The following FRY variants were observed in gnomAD, a reference collection of about 807,000 sequenced individuals.
FRY encodes FRY microtubule binding protein.
Under a neutral mutation model 348.4 loss-of-function variants are expected in FRY, and 128 were observed. That is an observed-to-expected ratio of 0.37 (90% CI 0.32 to 0.43). FRY has a LOEUF of 0.43. Ranked by LOEUF, FRY falls within the 20% of genes least tolerant of loss-of-function variation. The pLI, the probability that FRY is intolerant of heterozygous loss-of-function variation, is 1.00. For missense variants in FRY, 2,736 were observed against 3,695.2 expected, an observed-to-expected ratio of 0.74 and a Z score of 6.73; for synonymous variants, 1,370 against 1,374.7, an observed-to-expected ratio of 1.00 and a Z score of 0.08.
chr13:32,290,807 A>G (rs114275100), intron 59 of FRY, among the ~76,000 whole-genome samples: 4,555 of 152,074 alleles, frequency 0.03, 207 homozygotes, highest in African/African-American at 0.096. Flanking sequence ...AAAAAAATCA[A>G]TGAAACTAAT....
intron 1 of FRY, among the ~76,000 whole-genome samples, chr13:32,069,091 A>G (rs1874450353): frequency 6.6e-6 from 1 of 151,674 alleles, no homozygotes; most frequent in South Asian, 2.1e-4. Context: ...TAATTTTTGT[A>G]TTTTTAGTAG....
intron 36 of FRY, among the ~76,000 whole-genome samples, chr13:32,221,666 C>A (rs1255784388): frequency 6.6e-6 from 1 of 152,164 alleles, no homozygotes; most frequent in Non-Finnish European, 1.5e-5. Flanking sequence ...GTGTGTGCCA[C>A]CACACCTAGC....
chr13:32,072,155 A>T (rs962442540), intron 1 of FRY, among the ~76,000 whole-genome samples: 12 of 152,336 alleles, frequency 7.9e-5, no homozygotes, highest in Non-Finnish European at 1.6e-4. Flanking sequence ...AAGGAACACA[A>T]TGTGAGAACT....
chr13:32,114,576 T>G (rs1878181408), intron 3 of FRY, among the ~76,000 whole-genome samples: 2 of 152,226 alleles, frequency 1.3e-5, no homozygotes, highest in Admixed American at 1.3e-4. Context: ...TCATCATGTC[T>G]CCTTAGATTC....
At chr13:32,125,636 A>G (rs145816263) in intron 7 of FRY, among the ~76,000 whole-genome samples, 3 of 152,330 alleles carry the variant, frequency 2.0e-5, no homozygotes, top group African/African-American at 7.2e-5. Flanking sequence ...TCTTCAAGGG[A>G]TTGAATTTCG....
At chr13:32,209,809 C>A in intron 33 of FRY, 78 bp downstream of exon 33, 1 of 1,365,088 alleles carries the variant, frequency 7.3e-7, no homozygotes, top group South Asian at 1.2e-5. Flanking sequence ...AGAATGTGCT[C>A]TTTGCTCCAG....
intron 55 of FRY, among the ~76,000 whole-genome samples, chr13:32,272,719 T>A (rs1440791767): frequency 6.6e-6 from 1 of 152,068 alleles, no homozygotes; most frequent in East Asian, 1.9e-4. Context: ...AAGTGTTTTT[T>A]TGTTTGTTTG....
chr13:32,047,039 G>A (rs1873053263), intron 1 of FRY, among the ~76,000 whole-genome samples: 1 of 152,060 alleles, frequency 6.6e-6, no homozygotes, highest in African/African-American at 2.4e-5. Context: ...AGCTGTATAT[G>A]GGTATATATG....
intron 1 of FRY, among the ~76,000 whole-genome samples, chr13:32,034,254 C>T (rs1307603693): frequency 6.6e-6 from 1 of 152,156 alleles, no homozygotes; most frequent in East Asian, 1.9e-4. Context: ...ATAAGCGTTT[C>T]CAGGTAAAGC....
chr13:32,147,772 A>C, intron 12 of FRY, 67 bp from the exon 13 acceptor site: 2 of 888,542 alleles, frequency 2.3e-6, no homozygotes, highest in African/African-American at 3.3e-5. Flanking sequence ...AATATCTGCC[A>C]TTTTCCCTTA....
At chr13:32,218,868 G>A (rs759195420) in intron 36 of FRY, 37 bp downstream of exon 36, 23 of 1,179,412 alleles carry the variant, frequency 2.0e-5, no homozygotes, top group Middle Eastern at 1.9e-4. Flanking sequence ...CAGACGGAAC[G>A]CAAGTGGTCA....
intron 29 of FRY, among the ~76,000 whole-genome samples, chr13:32,201,298 G>A (rs994187383): frequency 4.6e-5 from 7 of 152,098 alleles, no homozygotes; most frequent in African/African-American, 1.7e-4. Flanking sequence ...CATTTTACTT[G>A]TTTCCTCTTC....
chr13:32,244,926 G>T (rs1234124681), intron 47 of FRY, among the ~76,000 whole-genome samples: 1 of 152,076 alleles, frequency 6.6e-6, no homozygotes, highest in African/African-American at 2.4e-5. Context: ...TCCCTGGCAG[G>T]ATACTTGGAC....
chr13:32,233,277 C>A (rs1243808233), intron 41 of FRY, among the ~76,000 whole-genome samples: 1 of 152,214 alleles, frequency 6.6e-6, no homozygotes, highest in East Asian at 1.9e-4. Context: ...GGCCCACTTT[C>A]ATGTAGCAGC....
At chr13:32,109,523 C>G (rs1475131793) in intron 3 of FRY, among the ~76,000 whole-genome samples, 1 of 152,062 alleles carries the variant, frequency 6.6e-6, no homozygotes, top group Non-Finnish European at 1.5e-5. Context: ...TCCAGATGAA[C>G]AAATTGGGCC....
chr13:32,151,445 C>CA (rs1332551829), intron 14 of FRY, among the ~76,000 whole-genome samples: 1 of 152,178 alleles, frequency 6.6e-6, no homozygotes, highest in Non-Finnish European at 1.5e-5. Flanking sequence ...CAAAAGCAGA[C>CA]GGGAGGACAG....
chr13:32,136,008 A>G (rs868672120), intron 10 of FRY, among the ~76,000 whole-genome samples: 1 of 151,534 alleles, frequency 6.6e-6, no homozygotes, highest in Admixed American at 6.6e-5. Flanking sequence ...TGGTAGCAGT[A>G]GTTCCAAGTC....
Position 32,219,115 on chromosome 13 carries a change from G to A in FRY, c.4765+284G>A, listed in dbSNP as rs550016889. 2.1e-5 allele frequency among the ~76,000 whole-genome samples: 3 copies of A among 142,434 alleles called. No individual in the cohort carries two copies. In the East Asian group the frequency reaches 6.2e-4, roughly 30 times the overall value. The allele number at this position is 142,434 out of a possible 152,430, so 93.4% of individuals were successfully genotyped here. ...TACTTTTTTTTTTTTTTGAGACGGA[G>A]TCTCGCTTTGTCGCCCAGGCTGGAG... On this transcript the variant is annotated intron_variant, in intron 36 of 60. Transcript: ENST00000542859.
At chr13:32,119,045 T>A (rs1004246503) in intron 4 of FRY, among the ~76,000 whole-genome samples, 2 of 152,234 alleles carry the variant, frequency 1.3e-5, no homozygotes, top group South Asian at 2.1e-4. Context: ...TTATAGTTTT[T>A]AAAATTGTGT....
Sources: gnomAD v4.1 joint callset for allele counts (sites outside exome capture counted in the v4.1 genomes callset) on GRCh38, gnomAD v4.1.1 for gene constraint, MANE v1.5 for transcripts, NCBI Gene and HGNC (gene_info 2026-07-23, HGNC 2026-07-21) for gene names.